The following GLRB variants were observed in gnomAD, a reference collection of about 807,000 sequenced individuals.
GLRB encodes glycine receptor beta.
A neutral mutation model predicts 54.2 loss-of-function variants in GLRB; 33 were observed. The observed-to-expected ratio is 0.61, with a 90% CI of 0.46 to 0.81. The LOEUF is 0.81. Ranked by LOEUF, GLRB falls within the 40% of genes least tolerant of loss-of-function variation. GLRB has a pLI of 0.00. For synonymous variants in GLRB, 209 were observed against 208.2 expected, an observed-to-expected ratio of 1.00 and a Z score of -0.03; for missense variants, 572 against 584.6, an observed-to-expected ratio of 0.98 and a Z score of 0.22.
intron 2 of GLRB, among the ~76,000 whole-genome samples, chr4:157,100,824 T>A (rs1162050040): frequency 2.6e-5 from 4 of 152,168 alleles, no homozygotes; most frequent in Non-Finnish European, 5.9e-5. Flanking sequence ...ATACAAACTA[T>A]GACACTGAAT....
At chr4:157,140,478 T>G (rs1471943727) in intron 7 of GLRB, among the ~76,000 whole-genome samples, 1 of 151,990 alleles carries the variant, frequency 6.6e-6, no homozygotes, top group Non-Finnish European at 1.5e-5. Context: ...TTAGAGATTT[T>G]TGAGACTGTC....
chr4:157,155,418 C>G (rs1001769700), intron 9 of GLRB, among the ~76,000 whole-genome samples: 6 of 152,196 alleles, frequency 3.9e-5, no homozygotes, highest in African/African-American at 1.2e-4. Context: ...AGGCATGAAC[C>G]ACCATGCCTT....
At chr4:157,144,438 C>G (rs77449596) in intron 8 of GLRB, among the ~76,000 whole-genome samples, 5,241 of 152,212 alleles carry the variant, frequency 0.034, 154 homozygotes, top group African/African-American at 0.082. Context: ...GGGCTGGTTG[C>G]CTGTCCCTTG....
At chr4:157,137,793 A>C (rs1736459948) in intron 6 of GLRB, among the ~76,000 whole-genome samples, 1 of 152,208 alleles carries the variant, frequency 6.6e-6, no homozygotes, top group South Asian at 2.1e-4. Flanking sequence ...CTGCATGTCA[A>C]GATGTACTTG....
chr4:157,086,044 G>A (rs1413720618), intron 2 of GLRB, among the ~76,000 whole-genome samples: 1 of 152,056 alleles, frequency 6.6e-6, no homozygotes, highest in Non-Finnish European at 1.5e-5. Context: ...ATAGCTCATT[G>A]CAACCTCAAA....
intron 2 of GLRB, among the ~76,000 whole-genome samples, chr4:157,099,153 C>T (rs1734924244): frequency 6.6e-6 from 1 of 151,932 alleles, no homozygotes. Flanking sequence ...AGAGGGTCAT[C>T]CAGGGGTCTT....
rs112546179 is a variant in GLRB, at chr4:157,099,595, C to A, written c.123-20961C>A. Reference sequence around the variant, plus strand: ...AAGTGATCTGCCCGCCTTGGCCTCCCGAAGTGCTGGGATTACAGATGTGAG... The same window carrying A: ...AAGTGATCTGCCCGCCTTGGCCTCCAGAAGTGCTGGGATTACAGATGTGAG... On this transcript the variant is annotated intron_variant, in intron 2 of 9. Transcript: ENST00000264428. Among the ~76,000 whole-genome samples, 386 of 152,160 alleles carry A rather than the reference C, an allele frequency of 2.5e-3. 2 individuals carry two copies. The highest frequency in any genetic ancestry group is 8.6e-3 in the African/African-American group (358 of 41,514).
intron 9 of GLRB, among the ~76,000 whole-genome samples, chr4:157,161,658 C>T (rs1737498347): frequency 6.6e-6 from 1 of 152,098 alleles, no homozygotes; most frequent in Admixed American, 6.5e-5. Flanking sequence ...GACTATTGGC[C>T]CCCACTCTCT....
chr4:157,157,079 C>G (rs1737259285), intron 9 of GLRB, among the ~76,000 whole-genome samples: 1 of 152,124 alleles, frequency 6.6e-6, no homozygotes, highest in Admixed American at 6.6e-5. Context: ...GTTGTCTCTA[C>G]CAACACAGCA....
chr4:157,144,044 A>G (rs1304208904), intron 8 of GLRB, 85 bp downstream of exon 8: 5 of 1,362,484 alleles, frequency 3.7e-6, no homozygotes, highest in East Asian at 2.3e-5. Context: ...CTTTGAAACA[A>G]TGAGTTTTAG....
chr4:157,147,215 G>A (rs375184264), intron 8 of GLRB, among the ~76,000 whole-genome samples: 11 of 152,176 alleles, frequency 7.2e-5, no homozygotes, highest in South Asian at 2.1e-4. Flanking sequence ...GGGAGTGAGC[G>A]TAAGCAGAGA....
chr4:157,124,357 T>G (rs1735938032), intron 4 of GLRB, among the ~76,000 whole-genome samples: 1 of 151,806 alleles, frequency 6.6e-6, no homozygotes, highest in Admixed American at 6.6e-5. Context: ...TCTCTATTAT[T>G]TGTCTGTTAC....
In GLRB at chr4:157,171,711, G is replaced by A. The variant is rs1262777009; in HGVS notation, c.*983G>A. 6.6e-6 allele frequency: 1 copy of A among 151,928 alleles called. No individual in the cohort carries two copies. The highest frequency in any genetic ancestry group is 1.5e-5 in the Non-Finnish European group (1 of 67,790). 9.4% of individuals were successfully genotyped at this position (151,928 alleles called of 1,614,324 possible). A position where few individuals can be genotyped will look rare whatever the true frequency, so the allele number is the denominator to read the frequency against. ...TTAAGTAAAATTAAAAATGTTTACT[G>A]AATTTATTTTTTTATTTGAATATTT... On this transcript the variant is annotated 3_prime_UTR_variant, in exon 10 of 10. Coordinates refer to ENST00000264428, the MANE Select transcript of GLRB (RefSeq NM_000824.5).
At chr4:157,090,673 C>T (rs1734577304) in intron 2 of GLRB, among the ~76,000 whole-genome samples, 2 of 152,154 alleles carry the variant, frequency 1.3e-5, no homozygotes, top group Non-Finnish European at 2.9e-5. Context: ...CTGTCTTGCA[C>T]TTTGAGTGGT....
chr4:157,129,247 C>T (rs1052087587), intron 4 of GLRB, among the ~76,000 whole-genome samples: 2 of 151,676 alleles, frequency 1.3e-5, no homozygotes, highest in Non-Finnish European at 2.9e-5. Flanking sequence ...AGTAATTTCC[C>T]ACTCATAAAA....
intron 2 of GLRB, among the ~76,000 whole-genome samples, chr4:157,084,946 G>A (rs967798664): frequency 2.6e-5 from 4 of 152,132 alleles, no homozygotes; most frequent in Non-Finnish European, 5.9e-5. Context: ...AAAGGATATG[G>A]ATAATCTATA....
intron 2 of GLRB, among the ~76,000 whole-genome samples, chr4:157,094,085 C>A (rs1163460780): frequency 6.6e-6 from 1 of 151,974 alleles, no homozygotes; most frequent in East Asian, 1.9e-4. Context: ...ATTTTTAAAC[C>A]TTTTTGAAGT....
At chr4:157,138,750 T>C in intron 6 of GLRB, 59 bp from the exon 7 acceptor site, 1 of 848,424 alleles carries the variant, frequency 1.2e-6, no homozygotes, top group Non-Finnish European at 1.9e-6. Flanking sequence ...ATTATGAAAA[T>C]ATTTAAAAAG....
intron 4 of GLRB, 77 bp from the exon 5 acceptor site, chr4:157,136,391 CT>C (rs930005296): frequency 9.7e-6 from 8 of 821,782 alleles, no homozygotes; most frequent in Non-Finnish European, 1.3e-5. Context: ...CATTGTAACC[CT>C]TTTTGTTTTG....
Sources: gnomAD v4.1 joint callset for allele counts (sites outside exome capture counted in the v4.1 genomes callset) on GRCh38, gnomAD v4.1.1 for gene constraint, MANE v1.5 for transcripts, NCBI Gene and HGNC (gene_info 2026-07-23, HGNC 2026-07-21) for gene names.